PLD5: variants seen among roughly 807,000 people sequenced by gnomAD.
PLD5 encodes inactive phospholipase D5.
Under a neutral mutation model 61.1 loss-of-function variants are expected in PLD5, and 36 were observed. That is an observed-to-expected ratio of 0.59 (90% CI 0.45 to 0.78). The LOEUF is 0.78. Ranked by LOEUF, PLD5 falls within the 30% of genes least tolerant of loss-of-function variation. The pLI, the probability that PLD5 is intolerant of heterozygous loss-of-function variation, is 0.00. For missense variants in PLD5, 515 were observed against 644.4 expected (o/e 0.80, Z 2.17); for synonymous variants, 243 against 242.8 (o/e 1.00, Z -0.01).
chr1:242,158,450 A>G (rs1665565526), intron 5 of PLD5, among the ~76,000 whole-genome samples: 1 of 152,170 alleles, frequency 6.6e-6, no homozygotes, highest in African/African-American at 2.4e-5. Context: ...GGTAGGCACC[A>G]GAGGGAATCT....
intron 1 of PLD5, among the ~76,000 whole-genome samples, chr1:242,514,576 C>T (rs1196013744): frequency 6.6e-6 from 1 of 151,756 alleles, no homozygotes; most frequent in Non-Finnish European, 1.5e-5. Context: ...CATGTACCCG[C>T]CCAAGACCTA....
At chr1:242,379,336 C>T (rs1258082842) in intron 1 of PLD5, among the ~76,000 whole-genome samples, 1 of 152,160 alleles carries the variant, frequency 6.6e-6, no homozygotes, top group Non-Finnish European at 1.5e-5. Context: ...CACTCCTTAC[C>T]CTCTTGGCCT....
upstream of PLD5, among the ~76,000 whole-genome samples, chr1:242,527,132 T>TTTTTTTTC (rs1669467192): frequency 8.3e-6 from 1 of 119,778 alleles, no homozygotes. Context: ...TTTTTTTTTT[T>TTTTTTTTC]TTTTTTTTTT....
At chr1:242,242,890 G>T (rs1173422096) in intron 4 of PLD5, among the ~76,000 whole-genome samples, 1 of 152,220 alleles carries the variant, frequency 6.6e-6, no homozygotes, top group East Asian at 1.9e-4. Context: ...ACAGTTGAAT[G>T]TGTATTCCAC....
intron 5 of PLD5, among the ~76,000 whole-genome samples, chr1:242,193,769 A>ATGGG (rs1668430790): frequency 3.9e-5 from 6 of 152,298 alleles, no homozygotes; most frequent in Admixed American, 2.6e-4. Context: ...CTCAGCCCCA[A>ATGGG]ATCTGTGACC....
chr1:242,280,342 C>T (rs920407100), intron 3 of PLD5, among the ~76,000 whole-genome samples: 24 of 152,230 alleles, frequency 1.6e-4, no homozygotes, highest in Admixed American at 5.2e-4. Flanking sequence ...TAAAACCAAG[C>T]GCTGAGAACT....
At chr1:242,090,213 C>T in intron 9 of PLD5, 103 bp from the exon 10 acceptor site, 1 of 1,438,668 alleles carries the variant, frequency 7.0e-7, no homozygotes, top group Non-Finnish European at 9.4e-7. Context: ...CATCAACATC[C>T]AGGAATAACA....
At chr1:242,297,621 C>CTTTTT (rs56851216) in intron 2 of PLD5, among the ~76,000 whole-genome samples, 2 of 107,212 alleles carry the variant, frequency 1.9e-5, no homozygotes, top group African/African-American at 6.7e-5. Context: ...ATTCATGTTT[C>CTTTTT]TTTTTTTTTT....
chr1:242,441,010 T>G (rs997053468), intron 1 of PLD5, among the ~76,000 whole-genome samples: 1 of 152,198 alleles, frequency 6.6e-6, no homozygotes, highest in South Asian at 2.1e-4. Context: ...AAAGCATCCA[T>G]GTCCATTATA....
intron 1 of PLD5, among the ~76,000 whole-genome samples, chr1:242,522,933 G>A (rs1372101206): frequency 6.6e-6 from 1 of 152,160 alleles, no homozygotes; most frequent in Admixed American, 6.5e-5. Flanking sequence ...CCCTCAGAAA[G>A]CAGGCACAGA....
chr1:242,151,615 C>G (rs1056781393), intron 5 of PLD5, among the ~76,000 whole-genome samples: 2 of 151,872 alleles, frequency 1.3e-5, no homozygotes, highest in African/African-American at 4.8e-5. Flanking sequence ...TTGAATATGC[C>G]TAGTATTTGT....
chr1:242,440,162 TTA>T (rs1384388658), intron 1 of PLD5, among the ~76,000 whole-genome samples: 1 of 152,150 alleles, frequency 6.6e-6, no homozygotes, highest in Non-Finnish European at 1.5e-5. Flanking sequence ...AACTAGACAA[TTA>T]CTTGAAACAA....
chr1:242,418,066 A>G (rs1488940767), intron 1 of PLD5, among the ~76,000 whole-genome samples: 1 of 152,224 alleles, frequency 6.6e-6, no homozygotes, highest in Non-Finnish European at 1.5e-5. Flanking sequence ...GGGGAGAAAC[A>G]TAATGTAGTT....
At chr1:242,364,106 T>C (rs1034754395) in intron 1 of PLD5, among the ~76,000 whole-genome samples, 3 of 151,980 alleles carry the variant, frequency 2.0e-5, no homozygotes, top group Admixed American at 2.0e-4. Flanking sequence ...AGAACAGAAC[T>C]AAACTTTTAT....
chr1:242,230,883 CA>C (rs1278523897), intron 4 of PLD5, among the ~76,000 whole-genome samples: 4 of 152,148 alleles, frequency 2.6e-5, no homozygotes, highest in Non-Finnish European at 5.9e-5. Context: ...TCTTCCCTGT[CA>C]TATATTTGTC....
At chr1:242,206,836 G>A (rs1454172749) in intron 5 of PLD5, among the ~76,000 whole-genome samples, 4 of 152,042 alleles carry the variant, frequency 2.6e-5, no homozygotes, top group Admixed American at 1.3e-4. Flanking sequence ...CATATTCAGT[G>A]TAATTTTTAT....
chr1:242,447,135 C>A (rs932337637), intron 1 of PLD5, among the ~76,000 whole-genome samples: 1 of 152,192 alleles, frequency 6.6e-6, no homozygotes, highest in African/African-American at 2.4e-5. Context: ...ACACATTTTC[C>A]TCACTTTGAA....
rs1460323607 is a variant in PLD5 at position 242,207,768 on chromosome 1, A to ATATATT, written c.735+12214_735+12219dup. Among the ~76,000 whole-genome samples the ATATATT allele has an allele frequency of 1.2e-3, 103 of 85,460 alleles. 7 individuals carry two copies. The highest frequency in any genetic ancestry group is 6.3e-3 in the African/African-American group (99 of 15,612). 56.1% of individuals were successfully genotyped at this position (85,460 alleles called of 152,430 possible). A position where few individuals can be genotyped will look rare whatever the true frequency, so the allele number is the denominator to read the frequency against. On this transcript the variant is annotated intron_variant, in intron 5 of 9. Coordinates refer to ENST00000536534, the MANE Select transcript of PLD5 (RefSeq NM_001372062.1). ...TATATTTATATATATTTATATTTAT[A>ATATATT]TATATTTATATATATTTATATTTAT...
intron 1 of PLD5, among the ~76,000 whole-genome samples, chr1:242,475,192 C>T (rs890011181): frequency 4.6e-5 from 7 of 152,142 alleles, no homozygotes; most frequent in Non-Finnish European, 7.3e-5. Flanking sequence ...CACACACGTG[C>T]GCACGCACAC....
Sources: allele counts gnomAD v4.1 joint callset (sites outside exome capture counted in the v4.1 genomes callset), GRCh38; gene constraint gnomAD v4.1.1; transcripts MANE v1.5; gene names NCBI Gene and HGNC (gene_info 2026-07-23, HGNC 2026-07-21).